The following ATG2A variants were observed in gnomAD, a reference collection of about 807,000 sequenced individuals.
ATG2A encodes the protein autophagy-related protein 2 homolog A.
Under a neutral mutation model 214.2 loss-of-function variants are expected in ATG2A, and 103 were observed. The observed-to-expected ratio is 0.48, with a 90% CI of 0.41 to 0.57. The LOEUF is 0.57. Among genes scored for constraint, ATG2A ranks in the 20% least tolerant of loss-of-function variants. The pLI, the probability that ATG2A is intolerant of heterozygous loss-of-function variation, is 0.00. For missense variants in ATG2A, 2,312 were observed against 2,613.2 expected, an observed-to-expected ratio of 0.88 and a Z score of 2.51; for synonymous variants, 1,160 against 1,142.1, an observed-to-expected ratio of 1.02 and a Z score of -0.32.
Position 64,910,689 on chromosome 11 carries a change from G to A in ATG2A, c.1634C>T (p.Thr545Met), listed in dbSNP as rs370668597. ...CCGAGCTGAGGCCTGGGAGCCCAGC[G>A]TACCAGGAAAGGTCAGGATCTGGGA... Reference protein sequence around the residue: ...EYTEILTFPGTLGSQASARPC... With the variant: ...EYTEILTFPGMLGSQASARPC... The change falls in exon 12 of 41, where the codon ACG (threonine) becomes ATG (methionine). Residue 545 changes from threonine to methionine, a missense_variant. Coordinates refer to ENST00000377264, the MANE Select transcript of ATG2A (RefSeq NM_015104.3). 21 of 1,610,022 alleles carry A rather than the reference G, an allele frequency of 1.3e-5. No homozygotes were observed. The highest frequency in any genetic ancestry group is 7.7e-5 in the South Asian group (7 of 90,432).
At chr11:64,905,958 T>C in intron 22 of ATG2A, 110 bp from the exon 23 acceptor site, 1 of 1,370,832 alleles carries the variant, frequency 7.3e-7, no homozygotes, top group Non-Finnish European at 1.0e-6. Flanking sequence ...GCCCACTAGC[T>C]GTCTGCCACA....
chr11:64,913,617 T>A lies in ATG2A; in HGVS notation c.590+204A>T. 1.3e-6 allele frequency: 1 copy of A among 799,684 alleles called. No homozygotes were observed. The highest frequency in any genetic ancestry group is 1.9e-6 in the Non-Finnish European group (1 of 518,282). 49.5% of individuals were successfully genotyped at this position (799,684 alleles called of 1,614,324 possible). On this transcript the variant is annotated intron_variant, in intron 4 of 40. Transcript: ENST00000377264. This position sits in a 1 kb window ranked among gnomAD's most constrained non-coding sequence, Gnocchi z 4.3. ...AGCATCTAACTTGGTTCTTGGGGCCTCGGCCACTCTGGGCCTGTATCACCT... is the reference window on the plus strand; with the variant it reads ...AGCATCTAACTTGGTTCTTGGGGCCACGGCCACTCTGGGCCTGTATCACCT...
intron 30 of ATG2A, 87 bp from the exon 31 acceptor site, chr11:64,900,716 A>ACC: frequency 1.4e-6 from 2 of 1,466,442 alleles, no homozygotes; most frequent in South Asian, 2.8e-5. Flanking sequence ...GGGACAAGAG[A>ACC]CCCCCGCTAG....
intron 27 of ATG2A, 32 bp from the exon 28 acceptor site, chr11:64,902,418 G>C (rs1163347561): frequency 1.3e-6 from 2 of 1,537,486 alleles, no homozygotes; most frequent in South Asian, 2.4e-5. Flanking sequence ...CAATGAGTGA[G>C]ACAGGACAGA....
intron 16 of ATG2A, among the ~76,000 whole-genome samples, chr11:64,908,551 CA>C (rs139382606): frequency 6.3e-5 from 9 of 142,334 alleles, no homozygotes; most frequent in African/African-American, 7.7e-5. Context: ...AACTCTATCT[CA>C]AAAAAAAAAG....
intron 30 of ATG2A, 100 bp from the exon 31 acceptor site, chr11:64,900,729 C>G: frequency 3.4e-6 from 5 of 1,457,856 alleles, no homozygotes; most frequent in Non-Finnish European, 4.5e-6. Flanking sequence ...CCCGCTAGCC[C>G]CAGTCCTGGA....
rs781779695 is a variant in ATG2A, at chr11:64,907,888, C to T, written c.2367G>A (p.Met789Ile). Residue 789 changes from methionine to isoleucine, a missense_variant and splice_region_variant, in exon 17 of 41, where the codon ATG becomes ATA. Met to Ile is a conservative substitution (Grantham distance 10). Transcript: ENST00000377264. Reference protein sequence around the residue: ...SKRTMYETEEMVIPGDPEEMR... With the variant: ...SKRTMYETEEIVIPGDPEEMR... ...TCTCCTCAGGGTCTCCAGGGATCACCATCTGGACAGGGTGAGGTGGAAAGA... is the reference window on the plus strand; with the variant it reads ...TCTCCTCAGGGTCTCCAGGGATCACTATCTGGACAGGGTGAGGTGGAAAGA... 9 of 1,611,868 alleles carry T rather than the reference C, an allele frequency of 5.6e-6. No homozygotes were observed. In the East Asian group the frequency reaches 2.0e-4, roughly 36 times the overall value.
In ATG2A at chr11:64,898,024, A is replaced by G. The variant is rs200959543; in HGVS notation, c.4859-50T>C. 3.7e-5 allele frequency: 60 copies of G among 1,600,962 alleles called. No homozygotes were observed. In the East Asian group the frequency reaches 8.3e-4, roughly 22 times the overall value. ...GGGGATGGGGCCAGGAATGACTGGG[A>G]ACCTGTGCTGTCCTGGGAGGCAGAA... On this transcript the variant is annotated intron_variant, in intron 34 of 40. Transcript: ENST00000377264. This position sits in a 1 kb window ranked among gnomAD's most constrained non-coding sequence, Gnocchi z 4.5.
In ATG2A at chr11:64,901,952, C is replaced by T. The variant is rs372192916; in HGVS notation, c.4119+10G>A. 1.9e-5 allele frequency: 30 copies of T among 1,611,288 alleles called. No individual in the cohort carries two copies. The African/African-American group carries it at 2.5e-4, about 14-fold the overall frequency. ...GGACGGCAAACTGGTCCATCCCTCC[C>T]ACCACGCACCGGGATGCCCAGGCCG... On this transcript the variant is annotated intron_variant, in intron 29 of 40. Transcript: ENST00000377264.
chr11:64,904,755 C>G (rs1170960289), intron 24 of ATG2A, among the ~76,000 whole-genome samples: 1 of 151,862 alleles, frequency 6.6e-6, no homozygotes, highest in South Asian at 2.1e-4. Flanking sequence ...TTAAAACGTA[C>G]GCAGTCCTGT....
intron 9 of ATG2A, 54 bp from the exon 10 acceptor site, chr11:64,911,329 G>C: frequency 1.3e-6 from 2 of 1,568,196 alleles, no homozygotes; most frequent in Non-Finnish European, 1.7e-6. Flanking sequence ...GGTACCCCAG[G>C]TGGAGCAATA....
intron 14 of ATG2A, 83 bp downstream of exon 14, chr11:64,909,598 C>T: frequency 1.3e-6 from 2 of 1,567,418 alleles, no homozygotes; most frequent in South Asian, 2.3e-5. Context: ...CGGGTTGTGA[C>T]TGGGCCCCTT....
At position 64,902,094 on chromosome 11, in the gene ATG2A, A is replaced by T; in HGVS notation, c.3987T>A (p.Pro1329=). Residue 1329 remains proline (P), a synonymous_variant, in exon 29 of 41, where the codon CCT becomes CCA. Coordinates refer to ENST00000377264, the MANE Select transcript of ATG2A (RefSeq NM_015104.3). Reference sequence around the variant, plus strand: ...CTAAGCTGCCAGCAGGGCCCCCGACAGGTGGTGAAGGGGGTGGGGCCCCAC... The same window carrying T: ...CTAAGCTGCCAGCAGGGCCCCCGACTGGTGGTGAAGGGGGTGGGGCCCCAC... ...ERSGAPPPSP[P]VGGPAGSLGS... is the part of the protein sequence containing the mutation. 1 of 1,613,920 alleles carries T rather than the reference A, an allele frequency of 6.2e-7. No individual in the cohort carries two copies. The highest frequency in any genetic ancestry group is 1.3e-5 in the African/African-American group (1 of 75,016).
intron 1 of ATG2A, among the ~76,000 whole-genome samples, chr11:64,915,739 G>C (rs1459196182): frequency 2.3e-4 from 35 of 152,296 alleles, no homozygotes; most frequent in African/African-American, 8.4e-4. Flanking sequence ...AGCACTTTGG[G>C]AGGCTGAGGT....
rs2136572545 is a variant in ATG2A at position 64,903,444 on chromosome 11, T to C, written c.3536-80A>G. 3 of 1,559,828 alleles carry C rather than the reference T, an allele frequency of 1.9e-6. No homozygotes were observed. In the South Asian group the frequency reaches 3.4e-5, roughly 18 times the overall value. On this transcript the variant is annotated intron_variant, in intron 25 of 40. Transcript: ENST00000377264. This position sits in a 1 kb window ranked among gnomAD's most constrained non-coding sequence, Gnocchi z 4.2. ...CCAGCACCTGGGGGAAGGATCCGGT[T>C]GATCCAGGTGTAGTCCCTGCTGTGC...
chr11:64,905,360 C>T (rs562902376), intron 24 of ATG2A, among the ~76,000 whole-genome samples: 11 of 152,342 alleles, frequency 7.2e-5, no homozygotes, highest in Non-Finnish European at 1.5e-4. Flanking sequence ...CATGAGATTA[C>T]AGGTCAGAGA....
Position 64,900,908 on chromosome 11 carries a change from T to C in ATG2A, c.4304A>G (p.Asp1435Gly), listed in dbSNP as rs1375342255. ...CCTGTGGCCGGGGTGGGGGCCAAAG[T>C]CTCGGCCCCCATAGAGGTGCCAGAC... ...SLVWHLYGGR[D>G]FGPHPGHRAR... The change falls in exon 30 of 41, where the codon GAC becomes GGC. Residue 1435 changes from aspartate (D) to glycine (G), a missense_variant. Transcript: ENST00000377264. 6.4e-7 allele frequency: 1 copy of C among 1,565,266 alleles called. No homozygotes were observed.
At position 64,902,598 on chromosome 11, in the gene ATG2A, T is replaced by C; in HGVS notation, c.3695A>G (p.Asn1232Ser). 1.2e-6 allele frequency: 2 copies of C among 1,609,678 alleles called. No homozygotes were observed. The highest frequency in any genetic ancestry group is 2.2e-5 in the South Asian group (2 of 90,782). Residue 1232 changes from asparagine to serine, a missense_variant, in exon 27 of 41, where the codon AAC becomes AGC. Transcript: ENST00000377264. Reference sequence around the variant, plus strand: ...TGTGCTCATTACGTACTGGAGCAGGTTGACCAGCAGGGCACAGGAGTCGGC... The same window carrying C: ...TGTGCTCATTACGTACTGGAGCAGGCTGACCAGCAGGGCACAGGAGTCGGC... ...SCADSCALLVNLLQYVMSTGD... is the reference protein window; with the variant it reads ...SCADSCALLVSLLQYVMSTGD...
chr11:64,902,849 C>A (rs1478377533), intron 26 of ATG2A, among the ~76,000 whole-genome samples, 169 bp from the exon 27 acceptor site: 1 of 152,154 alleles, frequency 6.6e-6, no homozygotes, highest in East Asian at 1.9e-4. Flanking sequence ...AACAGATGAA[C>A]AAACTGTTCA....
Sources: gnomAD v4.1 joint callset for allele counts (sites outside exome capture counted in the v4.1 genomes callset) on GRCh38, gnomAD v4.1.1 for gene constraint, Gnocchi (gnomAD v3.1) non-coding constraint, MANE v1.5 for transcripts, NCBI Gene and HGNC (gene_info 2026-07-23, HGNC 2026-07-21) for gene names.